The following ARHGAP24 variants were observed in gnomAD, a reference collection of about 807,000 sequenced individuals.
The protein encoded by ARHGAP24 is rho GTPase-activating protein 24.
ARHGAP24 carries 50 observed loss-of-function variants against 76.4 expected under a neutral mutation model. The observed-to-expected ratio is 0.65, with a 90% CI of 0.52 to 0.83. ARHGAP24 has a LOEUF of 0.83. Among genes scored for constraint, ARHGAP24 ranks in the 40% least tolerant of loss-of-function variants. ARHGAP24 has a pLI of 0.00. For synonymous variants in ARHGAP24, 345 were observed against 323.3 expected, an observed-to-expected ratio of 1.07 and a Z score of -0.72; for missense variants, 930 against 914.2, an observed-to-expected ratio of 1.02 and a Z score of -0.22.
At chr4:85,930,355 G>C in intron 4 of ARHGAP24, 1 of 985,170 alleles carries the variant, frequency 1.0e-6, no homozygotes, top group Non-Finnish European at 1.2e-6. Flanking sequence ...AAGCAGGGGG[G>C]TCCTTTGAAA....
intron 2 of ARHGAP24, among the ~76,000 whole-genome samples, chr4:85,627,037 G>A (rs939638233): frequency 1.3e-5 from 2 of 152,066 alleles, no homozygotes; most frequent in African/African-American, 4.8e-5. Flanking sequence ...CCTGTAGCTT[G>A]GAGTAGTTTG....
chr4:85,765,439 G>T (rs1726895843), intron 3 of ARHGAP24, among the ~76,000 whole-genome samples: 1 of 152,180 alleles, frequency 6.6e-6, no homozygotes, highest in South Asian at 2.1e-4. Context: ...TGAGTTGAAA[G>T]ATTCACTAAG....
chr4:85,503,816 C>G (rs1193972625), intron 1 of ARHGAP24, among the ~76,000 whole-genome samples: 1 of 152,154 alleles, frequency 6.6e-6, no homozygotes, highest in African/African-American at 2.4e-5. Flanking sequence ...GTTAGGGTGT[C>G]AATTTTAGAT....
Position 85,713,489 on chromosome 4 carries a change from G to A in ARHGAP24, c.181-8396G>A, listed in dbSNP as rs148097627. On this transcript the variant is annotated intron_variant, in intron 2 of 9. Coordinates refer to ENST00000395184, the MANE Select transcript of ARHGAP24 (RefSeq NM_001025616.3). ...AACAGTTTCATTTTTTTCTAAGCATGTTGGCATTTTCAACGTCCTACATCT... is the reference window on the plus strand; with the variant it reads ...AACAGTTTCATTTTTTTCTAAGCATATTGGCATTTTCAACGTCCTACATCT... 5.3e-3 allele frequency among the ~76,000 whole-genome samples: 803 copies of A among 152,096 alleles called. 7 individuals carry two copies. Among genetic ancestry groups the A allele is most frequent in the African/African-American group, 0.018 (760 of 41,492 alleles).
intron 2 of ARHGAP24, among the ~76,000 whole-genome samples, chr4:85,600,914 C>T (rs997996909): frequency 2.0e-5 from 3 of 152,078 alleles, no homozygotes; most frequent in East Asian, 1.9e-4. Context: ...TAAAAATGCA[C>T]GCTCAAATCA....
chr4:85,871,025 G>T (rs189863396), intron 3 of ARHGAP24, among the ~76,000 whole-genome samples: 3 of 152,196 alleles, frequency 2.0e-5, no homozygotes. Context: ...GATTAGTCTT[G>T]TTATTCCCAT....
intron 2 of ARHGAP24, among the ~76,000 whole-genome samples, chr4:85,704,788 C>T (rs1036370244): frequency 6.6e-6 from 1 of 152,002 alleles, no homozygotes. Flanking sequence ...AGTACTATGT[C>T]CTCAGTACCG....
At chr4:85,581,053 C>CAAAG (rs1210203692) in intron 2 of ARHGAP24, among the ~76,000 whole-genome samples, 1 of 152,052 alleles carries the variant, frequency 6.6e-6, no homozygotes, top group Non-Finnish European at 1.5e-5. Context: ...ATTTTCTCAT[C>CAAAG]AAAGAATTTT....
chr4:85,945,224 C>T (rs1005465026), intron 5 of ARHGAP24, among the ~76,000 whole-genome samples: 1 of 152,012 alleles, frequency 6.6e-6, no homozygotes. Context: ...CTCACTGCAA[C>T]GTCCACCTCA....
intron 2 of ARHGAP24, among the ~76,000 whole-genome samples, chr4:85,599,303 C>A (rs1049427214): frequency 1.2e-4 from 18 of 152,100 alleles, no homozygotes; most frequent in Non-Finnish European, 2.2e-4. Flanking sequence ...TATTGAGCAG[C>A]CTGTCTAAGA....
At chr4:85,903,876 T>C (rs897029593) in intron 3 of ARHGAP24, among the ~76,000 whole-genome samples, 3 of 152,218 alleles carry the variant, frequency 2.0e-5, no homozygotes, top group African/African-American at 7.2e-5. Flanking sequence ...AAGAAAAGTT[T>C]CATAAGGAAG....
intron 2 of ARHGAP24, among the ~76,000 whole-genome samples, chr4:85,611,922 T>C (rs980700842): frequency 1.3e-5 from 2 of 152,208 alleles, no homozygotes; most frequent in African/African-American, 4.8e-5. Context: ...CCTGTGCTTT[T>C]CTCCAGGTTC....
At chr4:85,794,671 C>T (rs1241250565) in intron 3 of ARHGAP24, among the ~76,000 whole-genome samples, 5 of 152,286 alleles carry the variant, frequency 3.3e-5, no homozygotes, top group African/African-American at 1.2e-4. Flanking sequence ...TCAGTAGAGA[C>T]AGGGTTTCGC....
intron 3 of ARHGAP24, among the ~76,000 whole-genome samples, chr4:85,755,988 C>T (rs1444598990): frequency 1.3e-5 from 2 of 152,016 alleles, no homozygotes; most frequent in South Asian, 2.1e-4. Context: ...GGCTATTGTT[C>T]ATGTCCCCCT....
At chr4:85,710,628 A>G (rs1724491274) in intron 2 of ARHGAP24, among the ~76,000 whole-genome samples, 1 of 152,158 alleles carries the variant, frequency 6.6e-6, no homozygotes, top group Admixed American at 6.6e-5. Context: ...AGAAGAAAAC[A>G]AGCCCCATTA....
intron 2 of ARHGAP24, among the ~76,000 whole-genome samples, chr4:85,594,003 T>A (rs1728218409): frequency 1.3e-5 from 2 of 152,064 alleles, no homozygotes; most frequent in Non-Finnish European, 2.9e-5. Context: ...TCATTGGTAT[T>A]TTTATAGGGA....
intron 3 of ARHGAP24, among the ~76,000 whole-genome samples, chr4:85,894,417 C>T (rs1734021580): frequency 6.6e-6 from 1 of 152,002 alleles, no homozygotes; most frequent in Non-Finnish European, 1.5e-5. Context: ...AGGATGGATC[C>T]AAGAAAAAGG....
At chr4:85,951,987 T>TAA (rs1330984819) in intron 5 of ARHGAP24, among the ~76,000 whole-genome samples, 5 of 152,116 alleles carry the variant, frequency 3.3e-5, no homozygotes, top group African/African-American at 1.2e-4. Flanking sequence ...ATAAAGTTAT[T>TAA]AAGTTTAATT....
intron 3 of ARHGAP24, among the ~76,000 whole-genome samples, chr4:85,743,590 A>G (rs1053339073): frequency 6.6e-6 from 1 of 152,054 alleles, no homozygotes; most frequent in Non-Finnish European, 1.5e-5. Flanking sequence ...AAACAAAAAC[A>G]GAAAAGAAAG....
Sources: gnomAD v4.1 joint callset for allele counts (sites outside exome capture counted in the v4.1 genomes callset) on GRCh38, gnomAD v4.1.1 for gene constraint, MANE v1.5 for transcripts, NCBI Gene and HGNC (gene_info 2026-07-23, HGNC 2026-07-21) for gene names.